SCAPER: variants seen among roughly 807,000 people sequenced by gnomAD.
SCAPER encodes the protein S-phase cyclin A associated protein in the ER, also known as S phase cyclin A-associated protein in the endoplasmic reticulum.
A neutral mutation model predicts 182.2 loss-of-function variants in SCAPER; 98 were observed. That is an observed-to-expected ratio of 0.54 (90% CI 0.46 to 0.64). SCAPER has a LOEUF of 0.64. Ranked by LOEUF, SCAPER falls within the 30% of genes least tolerant of loss-of-function variation. SCAPER has a pLI of 0.00. For missense variants in SCAPER, 1,432 were observed against 1,690.0 expected, an observed-to-expected ratio of 0.85 and a Z score of 2.68; for synonymous variants, 605 against 564.6, an observed-to-expected ratio of 1.07 and a Z score of -1.01.
chr15:76,753,477 T>G (rs2062219884), intron 15 of SCAPER, among the ~76,000 whole-genome samples: 1 of 151,878 alleles, frequency 6.6e-6, no homozygotes, highest in African/African-American at 2.4e-5. Flanking sequence ...AAGGAATGAA[T>G]TACAAAGAGG....
intron 23 of SCAPER, among the ~76,000 whole-genome samples, chr15:76,520,918 T>C (rs1239281088): frequency 6.6e-6 from 1 of 152,162 alleles, no homozygotes; most frequent in East Asian, 1.9e-4. Flanking sequence ...ATAAAGTGAA[T>C]GCAATTATAT....
chr15:76,369,111 G>A (rs1282195780), intron 29 of SCAPER, among the ~76,000 whole-genome samples: 1 of 152,174 alleles, frequency 6.6e-6, no homozygotes, highest in Non-Finnish European at 1.5e-5. Context: ...TTGGTATCAA[G>A]GGGCTCAGTC....
At chr15:76,432,192 G>C (rs890053039) in intron 26 of SCAPER, among the ~76,000 whole-genome samples, 1 of 152,248 alleles carries the variant, frequency 6.6e-6, no homozygotes, top group Non-Finnish European at 1.5e-5. Flanking sequence ...TTCGTCAGCA[G>C]AGAGGGCAAA....
intron 26 of SCAPER, among the ~76,000 whole-genome samples, chr15:76,411,478 A>G (rs2142219239): frequency 6.6e-6 from 1 of 152,284 alleles, no homozygotes; most frequent in African/African-American, 2.4e-5. Context: ...AGCATTTCAG[A>G]TAAGGCATAC....
chr15:76,721,068 T>G (rs1434464907), intron 17 of SCAPER, among the ~76,000 whole-genome samples: 4 of 152,212 alleles, frequency 2.6e-5, no homozygotes, highest in Admixed American at 2.0e-4. Flanking sequence ...GGTCTAACCT[T>G]TAAGTCTTTA....
chr15:76,376,255 C>T lies in SCAPER; in HGVS notation c.3762G>A (p.Leu1254=). ...SLAFRHMASS[L]LGHCSQVSCE... ...AGGAGACTTGGCTGCAGTGGCCCAGCAGGGAGCTGGCCATGTGCCGGAATG... is the reference window on the plus strand; with the variant it reads ...AGGAGACTTGGCTGCAGTGGCCCAGTAGGGAGCTGGCCATGTGCCGGAATG... The change falls in exon 29 of 32, where the codon CTG becomes CTA. Residue 1254 remains leucine (L), a synonymous_variant. Coordinates refer to ENST00000563290, the MANE Select transcript of SCAPER (RefSeq NM_020843.4). 6.2e-7 allele frequency: 1 copy of T among 1,613,952 alleles called. No individual in the cohort carries two copies. Among genetic ancestry groups the T allele is most frequent in the Non-Finnish European group, 8.5e-7 (1 of 1,179,862 alleles).
At chr15:76,863,782 C>A (rs576820756) in intron 2 of SCAPER, among the ~76,000 whole-genome samples, 4 of 152,290 alleles carry the variant, frequency 2.6e-5, no homozygotes, top group Non-Finnish European at 5.9e-5. Flanking sequence ...AGGGACACTG[C>A]ATAACTTCTG....
At chr15:76,656,771 A>C (rs1266862867) in intron 21 of SCAPER, among the ~76,000 whole-genome samples, 5 of 152,320 alleles carry the variant, frequency 3.3e-5, no homozygotes, top group African/African-American at 1.2e-4. Context: ...TGAAATGGAA[A>C]TTAAACAACC....
chr15:76,817,939 C>A (rs2151626407), intron 5 of SCAPER, among the ~76,000 whole-genome samples: 1 of 152,242 alleles, frequency 6.6e-6, no homozygotes, highest in African/African-American at 2.4e-5. Context: ...ATCAAAATCC[C>A]AGCAAGTTAA....
intron 8 of SCAPER, among the ~76,000 whole-genome samples, chr15:76,789,815 T>C (rs1448849914): frequency 6.6e-6 from 1 of 152,200 alleles, no homozygotes; most frequent in Non-Finnish European, 1.5e-5. Context: ...ATTAAGAACG[T>C]TGTACTAAAT....
intron 17 of SCAPER, among the ~76,000 whole-genome samples, chr15:76,718,581 C>T (rs1394780112): frequency 6.6e-6 from 1 of 150,814 alleles, no homozygotes; most frequent in African/African-American, 2.4e-5. Context: ...GTGGAGGCTG[C>T]AGTGAGCCAA....
chr15:76,461,977 T>C (rs558807675), intron 25 of SCAPER, among the ~76,000 whole-genome samples: 11 of 152,354 alleles, frequency 7.2e-5, no homozygotes, highest in East Asian at 5.8e-4. Flanking sequence ...AGTTGTCTCA[T>C]ACATGTACAG....
In SCAPER at chr15:76,598,230, C is replaced by G. The variant is rs1273329363; in HGVS notation, c.2711+23534G>C. Among the ~76,000 whole-genome samples, 10 of 121,606 alleles carry G rather than the reference C, an allele frequency of 8.2e-5. 5 individuals carry two copies. The highest frequency in any genetic ancestry group is 1.2e-4 in the Non-Finnish European group (6 of 50,008). The allele number at this position is 121,606 out of a possible 152,430, so 79.8% of individuals were successfully genotyped here. ...ATCATCAATGGTCATTAAAGAAATG[C>G]AAATCAAAACCACAATGAGATACCG... On this transcript the variant is annotated intron_variant, in intron 22 of 31. Transcript: ENST00000563290.
At chr15:76,734,146 G>A (rs1368265585) in intron 15 of SCAPER, among the ~76,000 whole-genome samples, 1 of 152,136 alleles carries the variant, frequency 6.6e-6, no homozygotes, top group Admixed American at 6.5e-5. Context: ...AACATATAAT[G>A]AATGAGTGAC....
chr15:76,650,790 T>C (rs1004363173), intron 21 of SCAPER, among the ~76,000 whole-genome samples: 1 of 152,086 alleles, frequency 6.6e-6, no homozygotes, highest in Non-Finnish European at 1.5e-5. Context: ...CAAATCTTAA[T>C]ATTTTTAAAG....
intron 21 of SCAPER, among the ~76,000 whole-genome samples, chr15:76,642,121 C>G (rs954086114): frequency 6.6e-6 from 1 of 152,172 alleles, no homozygotes; most frequent in Non-Finnish European, 1.5e-5. Flanking sequence ...AATATTAGCT[C>G]TCTTTACTGC....
intron 3 of SCAPER, among the ~76,000 whole-genome samples, chr15:76,861,363 A>G (rs368782179): frequency 2.0e-5 from 3 of 152,244 alleles, no homozygotes; most frequent in East Asian, 3.8e-4. Context: ...AGTTATCACG[A>G]ACCTCCTCTG....
chr15:76,849,896 C>T (rs954228030), intron 4 of SCAPER, among the ~76,000 whole-genome samples: 2 of 152,130 alleles, frequency 1.3e-5, no homozygotes, highest in African/African-American at 4.8e-5. Context: ...GAAACAGGCA[C>T]CTTCTTCACA....
intron 21 of SCAPER, among the ~76,000 whole-genome samples, chr15:76,643,025 C>T (rs1487300477): frequency 6.6e-6 from 1 of 152,180 alleles, no homozygotes; most frequent in East Asian, 1.9e-4. Context: ...CTACCAGTTG[C>T]TCTGGGATAT....
Sources: allele counts gnomAD v4.1 joint callset (sites outside exome capture counted in the v4.1 genomes callset), GRCh38; gene constraint gnomAD v4.1.1; transcripts MANE v1.5; gene names NCBI Gene and HGNC (gene_info 2026-07-23, HGNC 2026-07-21).